The following GALNTL6 variants were observed in gnomAD, a reference collection of about 807,000 sequenced individuals.
GALNTL6 encodes the protein polypeptide N-acetylgalactosaminyltransferase like 6.
In GALNTL6, 46 loss-of-function variants were observed where a neutral mutation model predicts 73.7. The observed-to-expected ratio is 0.62, with a 90% CI of 0.49 to 0.80. GALNTL6 has a LOEUF of 0.80. Among genes scored for constraint, GALNTL6 ranks in the 30% least tolerant of loss-of-function variants. GALNTL6 has a pLI of 0.00. For synonymous variants in GALNTL6, 259 were observed against 263.7 expected (o/e 0.98, Z 0.17); for missense variants, 604 against 755.0 (o/e 0.80, Z 2.34).
chr4:171,853,597 CTCTT>C (rs1735590453), intron 2 of GALNTL6, among the ~76,000 whole-genome samples: 2 of 116,072 alleles, frequency 1.7e-5, no homozygotes, highest in African/African-American at 3.4e-5. Context: ...TGTTTAGCCA[CTCTT>C]TTTTTTTTTT....
intron 12 of GALNTL6, among the ~76,000 whole-genome samples, chr4:173,034,089 C>G (rs1385952977): frequency 2.0e-5 from 3 of 152,188 alleles, no homozygotes; most frequent in Admixed American, 6.5e-5. Context: ...TCCACCTCCT[C>G]CCTCTACCTC....
chr4:172,121,257 T>TTTTGTGTGTG (rs1471683292), intron 2 of GALNTL6, among the ~76,000 whole-genome samples: 1 of 142,372 alleles, frequency 7.0e-6, no homozygotes, highest in Non-Finnish European at 1.5e-5. Flanking sequence ...TCAAGAAGCA[T>TTTTGTGTGTG]TGTGTGTGTG....
chr4:172,136,313 C>CA (rs879401142), intron 2 of GALNTL6, among the ~76,000 whole-genome samples: 197 of 151,454 alleles, frequency 1.3e-3, no homozygotes, highest in African/African-American at 4.4e-3. Context: ...TGCCTTCTAT[C>CA]AAAAAAAAGA....
chr4:171,857,933 C>T (rs2110873550), intron 2 of GALNTL6, among the ~76,000 whole-genome samples: 1 of 152,266 alleles, frequency 6.6e-6, no homozygotes, highest in South Asian at 2.1e-4. Flanking sequence ...GTTCATAGCT[C>T]AGGCTAATGT....
At chr4:172,189,923 A>G (rs1299768813) in intron 2 of GALNTL6, among the ~76,000 whole-genome samples, 1 of 152,202 alleles carries the variant, frequency 6.6e-6, no homozygotes. Flanking sequence ...TCACTATGCA[A>G]ATATTCCAGC....
At chr4:172,393,621 A>G (rs1358612748) in intron 5 of GALNTL6, among the ~76,000 whole-genome samples, 1 of 152,194 alleles carries the variant, frequency 6.6e-6, no homozygotes, top group Non-Finnish European at 1.5e-5. Flanking sequence ...AGCATACGAA[A>G]ATATTTTGAG....
chr4:172,892,489 G>A (rs1395015889), intron 8 of GALNTL6, among the ~76,000 whole-genome samples: 1 of 152,096 alleles, frequency 6.6e-6, no homozygotes, highest in African/African-American at 2.4e-5. Flanking sequence ...TTCTTTAGTG[G>A]TGTAATTCAG....
intron 5 of GALNTL6, among the ~76,000 whole-genome samples, chr4:172,407,584 G>A (rs1388779736): frequency 6.6e-6 from 1 of 151,952 alleles, no homozygotes; most frequent in Non-Finnish European, 1.5e-5. Flanking sequence ...ACTTCATATT[G>A]GGGAAAAGGA....
chr4:172,810,995 G>T (rs2332627), intron 6 of GALNTL6, among the ~76,000 whole-genome samples: 2,001 of 143,122 alleles, frequency 0.014, 37 homozygotes, highest in African/African-American at 0.047. Context: ...AAAAAAAAGA[G>T]TAAGAGAAAC....
intron 2 of GALNTL6, among the ~76,000 whole-genome samples, chr4:172,166,754 C>T (rs757026866): frequency 9.3e-4 from 141 of 152,210 alleles, no homozygotes; most frequent in Non-Finnish European, 1.6e-3. Flanking sequence ...CAAGATGGTG[C>T]GTTATTTCAA....
At chr4:171,992,508 T>G (rs79224374) in intron 2 of GALNTL6, among the ~76,000 whole-genome samples, 2,399 of 152,156 alleles carry the variant, frequency 0.016, 63 homozygotes, top group African/African-American at 0.054. Context: ...GTAATTACAC[T>G]GCCCCACTCA....
intron 6 of GALNTL6, 50 bp from the exon 7 acceptor site, chr4:172,813,490 G>T: frequency 6.8e-7 from 1 of 1,481,002 alleles, no homozygotes; most frequent in Non-Finnish European, 9.3e-7. Flanking sequence ...AAAAATGATA[G>T]ATGACCTAGG....
In GALNTL6 at chr4:172,480,613, C is replaced by T. The variant is rs555227208; in HGVS notation, c.553+131924C>T. On this transcript the variant is annotated intron_variant, in intron 5 of 12. Transcript: ENST00000506823. ...TTGTAGAGCATTAGTTAGCAGCTGC[C>T]GTACAATAAATCATGCCAAAATCCA... is the stretch of plus-strand genomic sequence containing the variant. Among the ~76,000 whole-genome samples, 5 of 152,180 alleles carry T rather than the reference C, an allele frequency of 3.3e-5. No individual in the cohort carries two copies. The South Asian group carries it at 6.2e-4, about 19-fold the overall frequency.
rs1048591062 is a variant in GALNTL6 at position 171,821,610 on chromosome 4, A to G, written c.138+6892A>G. On this transcript the variant is annotated intron_variant, in intron 2 of 12. Coordinates refer to ENST00000506823, the MANE Select transcript of GALNTL6 (RefSeq NM_001034845.3). ...TTATAATGAGGATTAAACGCTTAGC[A>G]TCTTTAACAGTATATAACAAGGCTT... Among the ~76,000 whole-genome samples the G allele has an allele frequency of 2.0e-5, 3 of 151,310 alleles. No individual in the cohort carries two copies. In the South Asian group the frequency reaches 6.2e-4, roughly 31 times the overall value.
intron 9 of GALNTL6, among the ~76,000 whole-genome samples, chr4:172,945,871 AT>A (rs1463601772): frequency 1.3e-5 from 2 of 152,130 alleles, no homozygotes; most frequent in Non-Finnish European, 2.9e-5. Context: ...CTTAAAGACA[AT>A]CTCTTTTGAG....
intron 12 of GALNTL6, among the ~76,000 whole-genome samples, chr4:173,025,800 G>T (rs1015921679): frequency 6.6e-6 from 1 of 152,170 alleles, no homozygotes; most frequent in Non-Finnish European, 1.5e-5. Flanking sequence ...TCCTGAAATT[G>T]TAAGGGGATC....
At chr4:172,085,412 G>A (rs999852179) in intron 2 of GALNTL6, among the ~76,000 whole-genome samples, 1 of 152,058 alleles carries the variant, frequency 6.6e-6, no homozygotes, top group African/African-American at 2.4e-5. Flanking sequence ...TACATTACAG[G>A]CATGGTGGTT....
chr4:172,718,360 A>G (rs925785539), intron 5 of GALNTL6, among the ~76,000 whole-genome samples: 3 of 152,196 alleles, frequency 2.0e-5, no homozygotes, highest in African/African-American at 4.8e-5. Context: ...GGCCTGGTAC[A>G]GTGGCTCATA....
intron 2 of GALNTL6, among the ~76,000 whole-genome samples, chr4:172,038,999 A>G (rs750122127): frequency 4.6e-5 from 7 of 152,192 alleles, no homozygotes; most frequent in Non-Finnish European, 8.8e-5. Context: ...GGGCTTGGTT[A>G]TAACAGCTGC....
Sources: allele counts gnomAD v4.1 joint callset (sites outside exome capture counted in the v4.1 genomes callset), GRCh38; gene constraint gnomAD v4.1.1; transcripts MANE v1.5; gene names NCBI Gene and HGNC (gene_info 2026-07-23, HGNC 2026-07-21).